ZNF680: variants seen among roughly 807,000 people sequenced by gnomAD.
ZNF680 encodes zinc finger protein 680, also known as hypothetical protein FLJ90430.
A neutral mutation model predicts 12.1 loss-of-function variants in ZNF680; 6 were observed. The ratio of observed to expected loss-of-function variants is 0.49; its 90% CI spans 0.27 to 0.98. The LOEUF (loss-of-function observed/expected upper bound fraction) is 0.98. ZNF680 is among the 50% of genes least tolerant of loss of function. The pLI is 0.12. For missense variants in ZNF680, 561 were observed against 616.3 expected (o/e 0.91, Z 0.95); for synonymous variants, 170 against 199.3 (o/e 0.85, Z 1.24).
At chr7:64,533,717 C>G (rs1786006249) in intron 3 of ZNF680, among the ~76,000 whole-genome samples, 1 of 152,110 alleles carries the variant, frequency 6.6e-6, no homozygotes, top group Admixed American at 6.6e-5. Flanking sequence ...CAAAGCAAGA[C>G]TAAGCAAAAG....
the ZNF680 span, among the ~76,000 whole-genome samples, chr7:64,504,470 C>A: frequency 6.6e-6 from 1 of 151,576 alleles, no homozygotes; most frequent in African/African-American, 2.4e-5. Flanking sequence ...ATTTGGTTTA[C>A]GTTTAACTGT....
chr7:64,555,724 G>GT (rs1187537581), intron 1 of ZNF680, among the ~76,000 whole-genome samples: 1 of 86,358 alleles, frequency 1.2e-5, no homozygotes, highest in Non-Finnish European at 2.2e-5. Flanking sequence ...TTAAACCTTT[G>GT]TAAAAAAAAA....
At chr7:64,539,258 G>A in intron 3 of ZNF680, among the ~76,000 whole-genome samples, 1 of 148,688 alleles carries the variant, frequency 6.7e-6, no homozygotes, top group Non-Finnish European at 1.5e-5. Flanking sequence ...TTGGGAAGCT[G>A]AGGGAGGAGA....
At chr7:64,539,796 C>T (rs189770122) in intron 3 of ZNF680, among the ~76,000 whole-genome samples, 218 of 152,242 alleles carry the variant, frequency 1.4e-3, no homozygotes, top group Non-Finnish European at 2.1e-3. Flanking sequence ...CACAAGTGCA[C>T]ACCACCATGC....
chr7:64,541,770 G>A (rs1786515412), intron 3 of ZNF680, among the ~76,000 whole-genome samples: 1 of 152,180 alleles, frequency 6.6e-6, no homozygotes, highest in Admixed American at 6.5e-5. Context: ...CAGTCTGGGA[G>A]AGACCGTGCC....
the ZNF680 span, among the ~76,000 whole-genome samples, chr7:64,514,075 C>T: frequency 2.0e-5 from 3 of 152,124 alleles, no homozygotes; most frequent in Admixed American, 6.5e-5. Flanking sequence ...GTGTTTTAAA[C>T]CTCCAACATC....
intron 1 of ZNF680, among the ~76,000 whole-genome samples, chr7:64,560,433 A>G (rs116357820): frequency 0.011 from 1,730 of 152,312 alleles, 25 homozygotes; most frequent in African/African-American, 0.036. Context: ...TTCATTTTCT[A>G]AAGCCAAAAT....
intron 3 of ZNF680, chr7:64,526,614 C>G (rs1791862136): frequency 2.9e-6 from 1 of 340,300 alleles, no homozygotes; most frequent in African/African-American, 2.1e-5. Flanking sequence ...AAATATAAAG[C>G]TATTAAATGT....
intron 3 of ZNF680, among the ~76,000 whole-genome samples, chr7:64,529,646 T>C (rs1299833461): frequency 1.3e-5 from 2 of 151,906 alleles, no homozygotes; most frequent in Non-Finnish European, 2.9e-5. Context: ...AAGTCTGGGA[T>C]TATGTTAAAT....
At chr7:64,504,283 G>C in the ZNF680 span, among the ~76,000 whole-genome samples, 1 of 152,220 alleles carries the variant, frequency 6.6e-6, no homozygotes, top group African/African-American at 2.4e-5. Context: ...TGCCAGGAAA[G>C]AACGTGCTGC....
At chr7:64,501,211 G>C in the ZNF680 span, 1 of 866,854 alleles carries the variant, frequency 1.2e-6, no homozygotes, top group Non-Finnish European at 2.0e-6. Context: ...CTTTCAACGG[G>C]ATTATTGTGA....
At chr7:64,540,339 C>G (rs1562758953) in intron 3 of ZNF680, among the ~76,000 whole-genome samples, 1 of 141,160 alleles carries the variant, frequency 7.1e-6, no homozygotes, top group African/African-American at 2.7e-5. Context: ...GAGGCTCGCT[C>G]TGTCGCCCAG....
At chr7:64,512,173 G>T in the ZNF680 span, among the ~76,000 whole-genome samples, 1 of 151,684 alleles carries the variant, frequency 6.6e-6, no homozygotes, top group African/African-American at 2.4e-5. Flanking sequence ...TAAGGGGCTG[G>T]GCACAGTGGC....
At chr7:64,524,866 A>G (rs991021062) in intron 3 of ZNF680, 3 of 150,672 alleles carry the variant, frequency 2.0e-5, no homozygotes, top group African/African-American at 7.3e-5. Flanking sequence ...AACAGTAAGA[A>G]GAAAAAACTG....
chr7:64,557,507 A>T (rs1023786254), intron 1 of ZNF680, among the ~76,000 whole-genome samples: 2 of 152,032 alleles, frequency 1.3e-5, no homozygotes. Flanking sequence ...GTGAGCCAAG[A>T]TCGTGCCACT....
At position 64,523,391 on chromosome 7, in the gene ZNF680, T is replaced by C. The variant is rs1423010490; in HGVS notation, c.254-891A>G. ...ACAAAGAAAGTATTTTGTATATCTG[T>C]ATAGATATACAAAAGAAAATAGGAA... On this transcript the variant is annotated intron_variant, in intron 3 of 3. Transcript: ENST00000309683. 2.6e-5 allele frequency among the ~76,000 whole-genome samples: 4 copies of C among 151,836 alleles called. No individual in the cohort carries two copies. The East Asian group carries it at 7.8e-4, about 29-fold the overall frequency.
chr7:64,521,306 A>C lies in ZNF680; in HGVS notation c.1448T>G (p.Ile483Ser). Residue 483 changes from isoleucine to serine, a missense_variant, in exon 4 of 4, where the codon ATT becomes AGT. Ile to Ser is a moderately radical substitution (Grantham distance 142, BLOSUM62 -2). Coordinates refer to ENST00000309683, the MANE Select transcript of ZNF680 (RefSeq NM_178558.5). ...TTTGTAGGGTTTCTCTCTAGCATGA[A>C]TTCTCTTATGATTAGCAAGAGTTGC... is the stretch of plus-strand genomic sequence containing the variant. ...WPATLANHKR[I>S]HAREKPYKCE... 3.7e-6 allele frequency: 6 copies of C among 1,613,688 alleles called. No individual in the cohort carries two copies. The highest frequency in any genetic ancestry group is 5.1e-6 in the Non-Finnish European group (6 of 1,179,708).
the ZNF680 span, among the ~76,000 whole-genome samples, chr7:64,499,384 C>T: frequency 6.6e-6 from 1 of 152,190 alleles, no homozygotes; most frequent in East Asian, 1.9e-4. Flanking sequence ...TTCTAGCTCC[C>T]TTTCTAGCCT....
At chr7:64,553,023 G>C (rs993552702) in intron 1 of ZNF680, among the ~76,000 whole-genome samples, 1 of 151,938 alleles carries the variant, frequency 6.6e-6, no homozygotes, top group African/African-American at 2.4e-5. Context: ...CTACTCAGGA[G>C]GATGAGGCAG....
Sources: gnomAD v4.1 joint callset for allele counts (sites outside exome capture counted in the v4.1 genomes callset) on GRCh38, gnomAD v4.1.1 for gene constraint, MANE v1.5 for transcripts, NCBI Gene and HGNC (gene_info 2026-07-23, HGNC 2026-07-21) for gene names.